The following HMCN2 variants were observed in gnomAD, a reference collection of about 807,000 sequenced individuals.
HMCN2 encodes the protein hemicentin 2.
A neutral mutation model predicts 377.5 loss-of-function variants in HMCN2; 325 were observed. The observed-to-expected ratio is 0.86, with a 90% CI of 0.79 to 0.94. The LOEUF (loss-of-function observed/expected upper bound fraction) is 0.94, where lower values mean the gene tolerates loss of function less well. Ranked by LOEUF, HMCN2 falls within the 40% of genes least tolerant of loss-of-function variation. HMCN2 has a pLI of 0.00. For missense variants in HMCN2, 4,543 were observed against 4,725.3 expected (o/e 0.96, Z 1.13); for synonymous variants, 2,007 against 2,046.8 (o/e 0.98, Z 0.53).
chr9:130,396,891 T>C (rs1842633403), intron 73 of HMCN2, among the ~76,000 whole-genome samples: 4 of 152,212 alleles, frequency 2.6e-5, no homozygotes. Context: ...CTGCGCCTTC[T>C]GCGTCTCAGG....
Position 130,399,526 on chromosome 9 carries a change from C to A in HMCN2, c.11499C>A (p.Asn3833Lys). 7.8e-7 allele frequency: 1 copy of A among 1,288,010 alleles called. No individual in the cohort carries two copies. The highest frequency in any genetic ancestry group is 1.0e-6 in the Non-Finnish European group (1 of 987,496). The allele number at this position is 1,288,010 out of a possible 1,614,324, so 79.8% of individuals were successfully genotyped here. ...TCCACCCCAGGCTCCTGCCCTCCAACGCCCTGCTCCTCACGGCCCCCGGCC... is the reference window on the plus strand; with the variant it reads ...TCCACCCCAGGCTCCTGCCCTCCAAAGCCCTGCTCCTCACGGCCCCCGGCC... ...QQGAYRLLPS[N>K]ALLLTAPGPQ... Residue 3833 changes from asparagine to lysine, a missense_variant, in exon 76 of 98, where the codon AAC (asparagine) becomes AAA (lysine). Asn to Lys is a moderately conservative substitution (Grantham distance 94, BLOSUM62 0). This residue lies in a region of HMCN2 where 1,073 missense variants were observed against 1,319.5 expected (regional missense o/e 0.81). Coordinates refer to ENST00000683500, the MANE Select transcript of HMCN2 (RefSeq NM_001291815.2).
In HMCN2 at chr9:130,369,802, C is replaced by T. The variant is rs1335953049; in HGVS notation, c.7020C>T (p.Ala2340=). The change falls in exon 45 of 98, where the codon GCC becomes GCT. Residue 2340 remains alanine, a synonymous_variant. Transcript: ENST00000683500. This position sits in a 1 kb window ranked among gnomAD's most constrained non-coding sequence, Gnocchi z 4.5. Reference sequence around the variant, plus strand: ...ACACTGGACGCTACAGCTGTGTGGCCGAGAACCTGGCTGGGAGGGCAGAGA... The same window carrying T: ...ACACTGGACGCTACAGCTGTGTGGCTGAGAACCTGGCTGGGAGGGCAGAGA... ...AAHTGRYSCV[A]ENLAGRAERK... 42 of 985,944 alleles carry T rather than the reference C, an allele frequency of 4.3e-5. No individual in the cohort carries two copies. Among genetic ancestry groups the T allele is most frequent in the Admixed American group, 6.1e-5 (1 of 16,272 alleles). The allele number at this position is 985,944 out of a possible 1,614,324, so 61.1% of individuals were successfully genotyped here.
intron 26 of HMCN2, among the ~76,000 whole-genome samples, chr9:130,348,262 G>A (rs1265764323): frequency 6.6e-6 from 1 of 152,258 alleles, no homozygotes; most frequent in East Asian, 1.9e-4. Flanking sequence ...ACCAGGTTGG[G>A]TGTAGAACCA....
intron 62 of HMCN2, among the ~76,000 whole-genome samples, chr9:130,390,347 A>C (rs1225181209): frequency 6.6e-6 from 1 of 151,078 alleles, no homozygotes; most frequent in Non-Finnish European, 1.5e-5. Flanking sequence ...CCCCCGATAC[A>C]TTGTGAACTC....
In HMCN2 at chr9:130,394,303, G is replaced by C. The variant is rs1842488637; in HGVS notation, c.10502-82G>C. 47 of 923,808 alleles carry C rather than the reference G, an allele frequency of 5.1e-5. 1 individual carries two copies. The South Asian group carries it at 7.1e-4, about 14-fold the overall frequency. The allele number at this position is 923,808 out of a possible 1,614,324, so 57.2% of individuals were successfully genotyped here. On this transcript the variant is annotated intron_variant, in intron 68 of 97. Transcript: ENST00000683500. The surrounding 1 kb of genome is among the most constrained non-coding windows in gnomAD (Gnocchi z 5.1). ...ACCAAAATGTGGGAGCAGAGCCCCT[G>C]GACTCAGCACAGTGTTTTCAAGTGC...
rs550144228 is a variant in HMCN2 at position 130,400,861 on chromosome 9, C to T, written c.11684C>T (p.Thr3895Met). 3.3e-5 allele frequency: 42 copies of T among 1,289,632 alleles called. No individual in the cohort carries two copies. In the East Asian group the frequency reaches 8.9e-4, roughly 27 times the overall value. 79.9% of individuals were successfully genotyped at this position (1,289,632 alleles called of 1,614,324 possible). Residue 3895 changes from threonine to methionine, a missense_variant, in exon 77 of 98, where the codon ACG (threonine) becomes ATG (methionine). This residue lies in a region of HMCN2 where 1,073 missense variants were observed against 1,319.5 expected (regional missense o/e 0.81). Coordinates refer to ENST00000683500, the MANE Select transcript of HMCN2 (RefSeq NM_001291815.2). ...MAPVVLTCHS[T>M]GIPAPTVSWS... ...CCTGTGGTCCTCACATGTCACAGCA[C>T]GGGTATACCAGCTCCGACCGTGTCC... is the stretch of plus-strand genomic sequence containing the variant.
chr9:130,366,847 G>A (rs966572682), intron 43 of HMCN2, among the ~76,000 whole-genome samples: 1 of 152,254 alleles, frequency 6.6e-6, no homozygotes, highest in East Asian at 1.9e-4. Context: ...CCTCACAATG[G>A]GGGCAGTCAG....
intron 88 of HMCN2, 41 bp from the exon 89 acceptor site, chr9:130,424,968 C>T (rs1395783915): frequency 2.0e-6 from 3 of 1,511,498 alleles, no homozygotes; most frequent in East Asian, 2.5e-5. Flanking sequence ...GCGCCCAGGA[C>T]CTCCCGTGGT....
At position 130,398,570 on chromosome 9, in the gene HMCN2, C is replaced by T. The variant is rs1263126645; in HGVS notation, c.11346C>T (p.Pro3782=). The T allele has an allele frequency of 4.8e-6, 6 of 1,262,424 alleles. No homozygotes were observed. Among genetic ancestry groups the T allele is most frequent in the Non-Finnish European group, 6.2e-6 (6 of 970,750 alleles). The allele number at this position is 1,262,424 out of a possible 1,614,324, so 78.2% of individuals were successfully genotyped here. The change falls in exon 75 of 98, where the codon CCC becomes CCT. Residue 3782 remains proline (P), a synonymous_variant. Transcript: ENST00000683500. ...CCCCAGAGCCTCCAGCCATCGCCCC[C>T]AGCCCCTCCAACCTGACCCTGACCG... is the stretch of plus-strand genomic sequence containing the variant. The part of the protein sequence containing the change: ...LRVLEPPAIA[P]SPSNLTLTAH...
chr9:130,402,671 A>G, intron 77 of HMCN2, 118 bp from the exon 78 acceptor site: 1 of 509,086 alleles, frequency 2.0e-6, no homozygotes, highest in Non-Finnish European at 3.3e-6. Context: ...ACTGTTTGTA[A>G]ATGGGCAAAG....
At chr9:130,424,669 G>A in intron 87 of HMCN2, 107 bp from the exon 88 acceptor site, 2 of 1,212,552 alleles carry the variant, frequency 1.6e-6, no homozygotes, top group South Asian at 2.2e-5. Flanking sequence ...CAAGGGAAGG[G>A]GCTGAGCTCT....
At position 130,358,383 on chromosome 9, in the gene HMCN2, C is replaced by A; in HGVS notation, c.5581-7C>A. On this transcript the variant is annotated splice_region_variant and splice_polypyrimidine_tract_variant and intron_variant, in intron 35 of 97. Coordinates refer to ENST00000683500, the MANE Select transcript of HMCN2 (RefSeq NM_001291815.2). Reference sequence around the variant, plus strand: ...CTGTGGCATACTCTCTGCCCCCTCCCCTCCAGATTGAGAAGGTGGACCTGA... The same window carrying A: ...CTGTGGCATACTCTCTGCCCCCTCCACTCCAGATTGAGAAGGTGGACCTGA... 7.7e-7 allele frequency: 1 copy of A among 1,304,226 alleles called. No individual in the cohort carries two copies. The highest frequency in any genetic ancestry group is 1.2e-5 in the South Asian group (1 of 81,032). The allele number at this position is 1,304,226 out of a possible 1,614,324, so 80.8% of individuals were successfully genotyped here.
chr9:130,275,053 A>G (rs1481830346), intron 1 of HMCN2, among the ~76,000 whole-genome samples: 1 of 152,226 alleles, frequency 6.6e-6, no homozygotes, highest in Non-Finnish European at 1.5e-5. Context: ...ACACTGCGCC[A>G]TCTTGCGCCT....
intron 29 of HMCN2, 123 bp downstream of exon 29, chr9:130,349,786 G>A (rs1839601219): frequency 1.0e-6 from 1 of 988,666 alleles, no homozygotes; most frequent in Non-Finnish European, 1.3e-6. Context: ...TGCCACCCAG[G>A]GCCCAGACTG....
At chr9:130,285,997 C>T (rs1379289604) in intron 3 of HMCN2, among the ~76,000 whole-genome samples, 191 bp from the exon 4 acceptor site, 3 of 152,164 alleles carry the variant, frequency 2.0e-5, no homozygotes, top group Non-Finnish European at 2.9e-5. Context: ...TGTCCTGCAT[C>T]AGCTCCTGAT....
chr9:130,374,736 A>C (rs1841282367), intron 49 of HMCN2, 43 bp downstream of exon 49: 1 of 958,394 alleles, frequency 1.0e-6, no homozygotes, highest in Non-Finnish European at 1.2e-6. Flanking sequence ...TGCTGGAGGG[A>C]GGGAGAAGCA....
In HMCN2 at chr9:130,349,015, A is replaced by G. The variant is rs751947514; in HGVS notation, c.4187A>G (p.Asp1396Gly). Residue 1396 changes from aspartate (D) to glycine (G), a missense_variant, in exon 28 of 98, where the codon GAC becomes GGC. By Grantham distance (94) the Asp-to-Gly change is moderately conservative. Transcript: ENST00000683500. ...AAGGTGGGCGGCCACCGCCTCCTGGACGAGGGCCAGTCCCTCCACTTCCCC... is the reference window on the plus strand; with the variant it reads ...AAGGTGGGCGGCCACCGCCTCCTGGGCGAGGGCCAGTCCCTCCACTTCCCC... ...IPKVGGHRLLDEGQSLHFPRI... is the reference protein window; with the variant it reads ...IPKVGGHRLLGEGQSLHFPRI... 77 of 1,304,004 alleles carry G rather than the reference A, an allele frequency of 5.9e-5. No homozygotes were observed. The South Asian group carries it at 8.8e-4, about 15-fold the overall frequency. The allele number at this position is 1,304,004 out of a possible 1,614,324, so 80.8% of individuals were successfully genotyped here.
intron 4 of HMCN2, among the ~76,000 whole-genome samples, chr9:130,293,829 G>A (rs1201184397): frequency 6.6e-6 from 1 of 152,202 alleles, no homozygotes; most frequent in Non-Finnish European, 1.5e-5. Flanking sequence ...AATGACTGGA[G>A]TGCAGATTGC....
intron 80 of HMCN2, 25 bp from the exon 81 acceptor site, chr9:130,404,844 C>T (rs1239970163): frequency 1.7e-5 from 20 of 1,209,152 alleles, no homozygotes; most frequent in Non-Finnish European, 1.9e-5. Flanking sequence ...GCCCCGGTTC[C>T]GAGTGGGCCT....
Sources: allele counts gnomAD v4.1 joint callset (sites outside exome capture counted in the v4.1 genomes callset), GRCh38; gene constraint gnomAD v4.1.1; regional missense constraint gnomAD v4.1.1; non-coding constraint Gnocchi (gnomAD v3.1); transcripts MANE v1.5; gene names NCBI Gene and HGNC (gene_info 2026-07-23, HGNC 2026-07-21).